SLC25A12: variants seen among roughly 807,000 people sequenced by gnomAD.
SLC25A12 encodes the protein electrogenic aspartate/glutamate antiporter SLC25A12, mitochondrial.
A neutral mutation model predicts 83.3 loss-of-function variants in SLC25A12; 32 were observed. That is an observed-to-expected ratio of 0.38 (90% CI 0.29 to 0.52). SLC25A12 has a LOEUF of 0.52. Among genes scored for constraint, SLC25A12 ranks in the 20% least tolerant of loss-of-function variants. The probability of loss-of-function intolerance (pLI) is 0.84; values close to 1 mark genes in which losing one functional copy is unlikely to be tolerated. For missense variants in SLC25A12, 611 were observed against 835.6 expected, an observed-to-expected ratio of 0.73 and a Z score of 3.31; for synonymous variants, 267 against 291.1, an observed-to-expected ratio of 0.92 and a Z score of 0.84.
In SLC25A12 at chr2:171,894,240, C is replaced by G. The variant is rs200648972; in HGVS notation, c.-26G>C. 6.2e-7 allele frequency: 1 copy of G among 1,606,018 alleles called. No homozygotes were observed. Among genetic ancestry groups the G allele is most frequent in the Non-Finnish European group, 8.5e-7 (1 of 1,176,598 alleles). On this transcript the variant is annotated 5_prime_UTR_variant, in exon 1 of 18. Coordinates refer to ENST00000422440, the MANE Select transcript of SLC25A12 (RefSeq NM_003705.5). ...GCTGTGCTCGGAAGCCGGGGACGAG[C>G]GAGTGAGCGAGCAGGGCCGAGCTGT...
At chr2:171,893,504 G>C (rs182982424) in intron 1 of SLC25A12, among the ~76,000 whole-genome samples, 86 of 152,284 alleles carry the variant, frequency 5.6e-4, no homozygotes, top group Non-Finnish European at 9.0e-4. Flanking sequence ...CTCTGGACTG[G>C]AAAGGGAAGG....
At chr2:171,795,837 T>C (rs1282749638) in intron 13 of SLC25A12, among the ~76,000 whole-genome samples, 1 of 148,198 alleles carries the variant, frequency 6.7e-6, no homozygotes, top group African/African-American at 2.5e-5. Flanking sequence ...TTGATTGAGA[T>C]TTATACTCCT....
At chr2:171,827,276 G>A (rs541154319) in intron 8 of SLC25A12, among the ~76,000 whole-genome samples, 1 of 151,702 alleles carries the variant, frequency 6.6e-6, no homozygotes, top group South Asian at 2.1e-4. Flanking sequence ...TTGCCTCGAA[G>A]GAAAGGAACA....
At chr2:171,798,360 A>G (rs956969062) in intron 13 of SLC25A12, among the ~76,000 whole-genome samples, 1 of 152,188 alleles carries the variant, frequency 6.6e-6, no homozygotes, top group African/African-American at 2.4e-5. Context: ...AGGTTCACAA[A>G]GAGGTTGGAG....
intron 8 of SLC25A12, among the ~76,000 whole-genome samples, chr2:171,827,868 T>C (rs1051603522): frequency 6.6e-6 from 1 of 152,218 alleles, no homozygotes; most frequent in Non-Finnish European, 1.5e-5. Context: ...TCTTTTTCTT[T>C]TCCTCTCTAT....
intron 13 of SLC25A12, among the ~76,000 whole-genome samples, chr2:171,802,437 T>C (rs1333902225): frequency 6.6e-6 from 1 of 152,180 alleles, no homozygotes; most frequent in Admixed American, 6.5e-5. Context: ...GATTTTGATA[T>C]AGATACAAAA....
At chr2:171,879,644 T>C (rs1015484423) in intron 2 of SLC25A12, among the ~76,000 whole-genome samples, 2 of 152,208 alleles carry the variant, frequency 1.3e-5, no homozygotes, top group African/African-American at 4.8e-5. Context: ...CATCATTCCT[T>C]AAATAAATAC....
intron 9 of SLC25A12, among the ~76,000 whole-genome samples, chr2:171,819,835 G>A (rs1426666113): frequency 6.6e-6 from 1 of 152,058 alleles, no homozygotes; most frequent in Non-Finnish European, 1.5e-5. Context: ...AAAGTCCTAT[G>A]TCTAAGGAAC....
intron 13 of SLC25A12, among the ~76,000 whole-genome samples, chr2:171,796,438 T>C (rs1293278839): frequency 6.6e-6 from 1 of 152,182 alleles, no homozygotes; most frequent in Non-Finnish European, 1.5e-5. Context: ...GGCACACATC[T>C]GTAAGTTTGT....
intron 15 of SLC25A12, chr2:171,788,161 TAA>T: frequency 2.0e-6 from 1 of 507,878 alleles, no homozygotes; most frequent in Admixed American, 3.4e-5. Context: ...TTTCCTGAAT[TAA>T]AAAAAAAATC....
intron 3 of SLC25A12, among the ~76,000 whole-genome samples, chr2:171,867,367 C>A (rs1370042080): frequency 6.6e-6 from 1 of 152,108 alleles, no homozygotes; most frequent in African/African-American, 2.4e-5. Flanking sequence ...GAACCAGACT[C>A]GGTCTGCAAT....
In SLC25A12 at chr2:171,789,201, T is replaced by G. The variant is rs541867672; in HGVS notation, c.1586-1254A>C. On this transcript the variant is annotated intron_variant, in intron 15 of 17. Transcript: ENST00000422440. ...GCCAAGATGGGAGGATCACCTGAGG[T>G]CAGGAGTTTGAGACCTCACATTTAC... Among the ~76,000 whole-genome samples, 5 of 151,944 alleles carry G rather than the reference T, an allele frequency of 3.3e-5. No homozygotes were observed. In the East Asian group the frequency reaches 9.7e-4, roughly 29 times the overall value.
intron 9 of SLC25A12, among the ~76,000 whole-genome samples, chr2:171,819,604 G>T (rs1684142502): frequency 6.7e-6 from 1 of 150,250 alleles, no homozygotes. Flanking sequence ...AAATTTAAAT[G>T]AGTTAAATGA....
intron 2 of SLC25A12, among the ~76,000 whole-genome samples, chr2:171,890,416 A>G (rs548569076): frequency 2.0e-5 from 3 of 152,280 alleles, no homozygotes; most frequent in African/African-American, 7.2e-5. Flanking sequence ...CAGGAATAAA[A>G]ATCTTTTACT....
At chr2:171,844,815 C>T (rs1221781906) in intron 4 of SLC25A12, among the ~76,000 whole-genome samples, 1 of 152,094 alleles carries the variant, frequency 6.6e-6, no homozygotes, top group Non-Finnish European at 1.5e-5. Flanking sequence ...TGCTATTTTA[C>T]ATCCCGTATA....
intron 13 of SLC25A12, among the ~76,000 whole-genome samples, chr2:171,806,121 A>C (rs992765217): frequency 6.6e-6 from 1 of 152,152 alleles, no homozygotes; most frequent in Non-Finnish European, 1.5e-5. Context: ...TCAAAAAAGA[A>C]GAAAAACAAA....
chr2:171,831,762 A>G (rs1371536572), intron 8 of SLC25A12, among the ~76,000 whole-genome samples: 2 of 152,016 alleles, frequency 1.3e-5, no homozygotes, highest in Non-Finnish European at 2.9e-5. Context: ...AGGCAGGCAT[A>G]GTGGTACGCA....
At chr2:171,844,127 T>C (rs989227461) in intron 5 of SLC25A12, among the ~76,000 whole-genome samples, 4 of 152,056 alleles carry the variant, frequency 2.6e-5, no homozygotes, top group African/African-American at 9.7e-5. Flanking sequence ...AGGATACAAT[T>C]AAAAAGTATT....
chr2:171,807,326 T>TGTCA (rs1375439522), intron 13 of SLC25A12, among the ~76,000 whole-genome samples: 20 of 152,060 alleles, frequency 1.3e-4, no homozygotes, highest in African/African-American at 4.8e-4. Context: ...AGATTTAGAG[T>TGTCA]GTCAGCACAA....
Sources: gnomAD v4.1 joint callset for allele counts (sites outside exome capture counted in the v4.1 genomes callset) on GRCh38, gnomAD v4.1.1 for gene constraint, MANE v1.5 for transcripts, NCBI Gene and HGNC (gene_info 2026-07-23, HGNC 2026-07-21) for gene names.